FAM114A1: variants seen among roughly 807,000 people sequenced by gnomAD.
FAM114A1 encodes the protein protein NOXP20.
FAM114A1 carries 62 observed loss-of-function variants against 64.3 expected under a neutral mutation model. That is an observed-to-expected ratio of 0.96 (90% confidence interval 0.79 to 1.19). FAM114A1 has a LOEUF of 1.19. Among genes scored for constraint, FAM114A1 ranks in the 50% most tolerant of loss-of-function variants. The pLI, the probability that FAM114A1 is intolerant of heterozygous loss-of-function variation, is 0.00. For missense variants in FAM114A1, 645 were observed against 676.3 expected (o/e 0.95, Z 0.51); for synonymous variants, 254 against 251.1 (o/e 1.01, Z -0.11).
chr4:38,895,826 G>A lies in FAM114A1; in HGVS notation c.436+3996G>A, dbSNP rs1560299962. Among the ~76,000 whole-genome samples the A allele has an allele frequency of 4.6e-5, 7 of 152,298 alleles. No individual in the cohort carries two copies. In the South Asian group the frequency reaches 1.4e-3, roughly 32 times the overall value. On this transcript the variant is annotated intron_variant, in intron 4 of 14. Coordinates refer to ENST00000358869, the MANE Select transcript of FAM114A1 (RefSeq NM_138389.4). Reference sequence around the variant, plus strand: ...ACTGTACTGAATACTGTAGGCAATTGTAACACAATAATAAGTATTTGTGTA... The same window carrying A: ...ACTGTACTGAATACTGTAGGCAATTATAACACAATAATAAGTATTTGTGTA...
chr4:38,937,440 T>C (rs1461038184), intron 13 of FAM114A1, among the ~76,000 whole-genome samples: 1 of 152,138 alleles, frequency 6.6e-6, no homozygotes, highest in Non-Finnish European at 1.5e-5. Flanking sequence ...TCCATGCATG[T>C]CTGTGTCCAG....
chr4:38,918,691 G>T (rs770964792), intron 8 of FAM114A1, among the ~76,000 whole-genome samples: 5 of 152,164 alleles, frequency 3.3e-5, no homozygotes, highest in Non-Finnish European at 5.9e-5. Flanking sequence ...AGGCACGGTG[G>T]CTCACACCTG....
chr4:38,889,006 G>A lies in FAM114A1; in HGVS notation c.349-2737G>A, dbSNP rs191458307. 7.9e-4 allele frequency among the ~76,000 whole-genome samples: 121 copies of A among 152,304 alleles called. 1 individual carries two copies. Among genetic ancestry groups the A allele is most frequent in the Middle Eastern group, 6.8e-3 (2 of 294 alleles). On this transcript the variant is annotated intron_variant, in intron 3 of 14. Coordinates refer to ENST00000358869, the MANE Select transcript of FAM114A1 (RefSeq NM_138389.4). Reference sequence around the variant, plus strand: ...TAACATATTTATAGCTGATCAAGAAGTCACAGCTCAATGTCAAAGGACTTT... The same window carrying A: ...TAACATATTTATAGCTGATCAAGAAATCACAGCTCAATGTCAAAGGACTTT...
At chr4:38,882,826 C>A (rs1042579066) in intron 3 of FAM114A1, among the ~76,000 whole-genome samples, 1 of 152,202 alleles carries the variant, frequency 6.6e-6, no homozygotes. Context: ...TCATTAGGCT[C>A]ACATTTGCCT....
chr4:38,905,395 TC>T (rs1351856827), intron 4 of FAM114A1, 126 bp from the exon 5 acceptor site: 1 of 696,660 alleles, frequency 1.4e-6, no homozygotes. Flanking sequence ...CAAGACTCCA[TC>T]TTTTAAAAAA....
At chr4:38,930,586 G>T (rs1319303247) in intron 10 of FAM114A1, among the ~76,000 whole-genome samples, 4 of 152,134 alleles carry the variant, frequency 2.6e-5, no homozygotes, top group African/African-American at 9.7e-5. Context: ...GTTTTGCTGG[G>T]TTTTCTCTCC....
At chr4:38,887,689 G>GT (rs1202206589) in intron 3 of FAM114A1, among the ~76,000 whole-genome samples, 1 of 152,154 alleles carries the variant, frequency 6.6e-6, no homozygotes, top group African/African-American at 2.4e-5. Context: ...TATGAATAGC[G>GT]TATCTTCCAT....
At chr4:38,885,918 A>G (rs1160445111) in intron 3 of FAM114A1, among the ~76,000 whole-genome samples, 1 of 152,224 alleles carries the variant, frequency 6.6e-6, no homozygotes, top group African/African-American at 2.4e-5. Context: ...ATACTAAAAG[A>G]TGGTAAAAAG....
At chr4:38,870,971 G>A (rs6828160) in intron 2 of FAM114A1, among the ~76,000 whole-genome samples, 37,328 of 151,556 alleles carry the variant, frequency 0.25, 5,111 homozygotes, top group Non-Finnish European at 0.28. Context: ...ATTTTTTTTC[G>A]TTTTGATTTG....
chr4:38,910,232 G>C (rs2109697330), intron 7 of FAM114A1, among the ~76,000 whole-genome samples: 1 of 150,886 alleles, frequency 6.6e-6, no homozygotes, highest in South Asian at 2.1e-4. Context: ...AAGCAGGACT[G>C]CATCTCAAAA....
chr4:38,891,072 A>G (rs1716320648), intron 3 of FAM114A1, among the ~76,000 whole-genome samples: 1 of 152,206 alleles, frequency 6.6e-6, no homozygotes, highest in Non-Finnish European at 1.5e-5. Context: ...CACACAGTTC[A>G]CACTGAACCA....
At chr4:38,909,282 C>T (rs2109692925) in intron 7 of FAM114A1, among the ~76,000 whole-genome samples, 1 of 152,256 alleles carries the variant, frequency 6.6e-6, no homozygotes, top group Admixed American at 6.5e-5. Context: ...TGTGAGGATA[C>T]GCTGAGTTAG....
chr4:38,914,725 TA>T, intron 7 of FAM114A1, 195 bp from the exon 8 acceptor site: 1 of 553,520 alleles, frequency 1.8e-6, no homozygotes, highest in Non-Finnish European at 3.0e-6. Flanking sequence ...AATGAACATG[TA>T]AAATGTGAAG....
chr4:38,896,137 G>A (rs994445069), intron 4 of FAM114A1, among the ~76,000 whole-genome samples: 3 of 152,084 alleles, frequency 2.0e-5, no homozygotes, highest in Non-Finnish European at 4.4e-5. Flanking sequence ...GGGTACATGA[G>A]GAAAGTCATT....
intron 8 of FAM114A1, 120 bp downstream of exon 8, chr4:38,915,193 G>A: frequency 7.8e-7 from 1 of 1,283,724 alleles, no homozygotes; most frequent in Non-Finnish European, 1.1e-6. Context: ...TTATTGTGCT[G>A]AGGTCAGAAA....
intron 4 of FAM114A1, among the ~76,000 whole-genome samples, chr4:38,895,432 A>G (rs1029956206): frequency 2.0e-5 from 3 of 152,220 alleles, no homozygotes; most frequent in African/African-American, 2.4e-5. Flanking sequence ...GTTCAGGCGC[A>G]CTAAGGATGA....
At chr4:38,895,922 A>G (rs1716886540) in intron 4 of FAM114A1, among the ~76,000 whole-genome samples, 1 of 152,318 alleles carries the variant, frequency 6.6e-6, no homozygotes, top group African/African-American at 2.4e-5. Context: ...CCACTGTCAT[A>G]GATGTGGCCC....
At chr4:38,910,182 T>C (rs1718403612) in intron 7 of FAM114A1, among the ~76,000 whole-genome samples, 1 of 150,554 alleles carries the variant, frequency 6.6e-6, no homozygotes, top group South Asian at 2.1e-4. Context: ...GTGATTACAG[T>C]GAGCCGAGAT....
intron 4 of FAM114A1, among the ~76,000 whole-genome samples, chr4:38,894,079 C>T (rs1716667159): frequency 6.8e-6 from 1 of 147,474 alleles, no homozygotes; most frequent in Non-Finnish European, 1.5e-5. Flanking sequence ...AGGAGAATTG[C>T]TTGAACCCAG....
Sources: gnomAD v4.1 joint callset for allele counts (sites outside exome capture counted in the v4.1 genomes callset) on GRCh38, gnomAD v4.1.1 for gene constraint, MANE v1.5 for transcripts, NCBI Gene and HGNC (gene_info 2026-07-23, HGNC 2026-07-21) for gene names.